The following CDC14A variants were observed in gnomAD, a reference collection of about 807,000 sequenced individuals.
CDC14A encodes dual specificity protein phosphatase CDC14A.
Under a neutral mutation model 74.4 loss-of-function variants are expected in CDC14A, and 53 were observed. The ratio of observed to expected loss-of-function variants is 0.71; its 90% CI spans 0.57 to 0.89. CDC14A has a LOEUF of 0.89. CDC14A is among the 40% of genes least tolerant of loss of function. CDC14A has a pLI of 0.00. For synonymous variants in CDC14A, 247 were observed against 258.4 expected (o/e 0.96, Z 0.43); for missense variants, 646 against 713.7 (o/e 0.91, Z 1.08).
intron 2 of CDC14A, among the ~76,000 whole-genome samples, chr1:100,374,568 TC>T (rs1654968325): frequency 6.6e-6 from 1 of 152,132 alleles, no homozygotes; most frequent in African/African-American, 2.4e-5. Context: ...TGTGTTCTTC[TC>T]ATGAAGCCTG....
intron 4 of CDC14A, chr1:100,393,533 A>G (rs1274967737): frequency 7.9e-6 from 6 of 757,312 alleles, no homozygotes; most frequent in Non-Finnish European, 1.5e-5. Flanking sequence ...CAAAAGCAGA[A>G]TAATCCAGGA....
In CDC14A at chr1:100,495,983, C is replaced by A. The variant is rs747798569; in HGVS notation, c.1251-19C>A. The A allele has an allele frequency of 6.2e-7, 1 of 1,612,018 alleles. No individual in the cohort carries two copies. Among genetic ancestry groups the A allele is most frequent in the Non-Finnish European group, 8.5e-7 (1 of 1,178,160 alleles). On this transcript the variant is annotated intron_variant, in intron 12 of 15. Coordinates refer to ENST00000336454, the MANE Select transcript of CDC14A (RefSeq NM_003672.4). ...GTGTGCCCTGGTGATATGTGAGCAT[C>A]TGTCTTTGATTTCCGCAGGTCAGAT...
chr1:100,486,196 G>A (rs1670002278), intron 11 of CDC14A, among the ~76,000 whole-genome samples: 2 of 152,156 alleles, frequency 1.3e-5, no homozygotes. Context: ...CCCGTTATCT[G>A]AGAAACATAT....
intron 10 of CDC14A, among the ~76,000 whole-genome samples, chr1:100,472,343 CTGTT>C (rs1347381528): frequency 6.6e-6 from 1 of 151,990 alleles, no homozygotes. Context: ...GTAGATATGC[CTGTT>C]TATGTTCTCA....
chr1:100,514,548 G>A (rs1300726929), intron 15 of CDC14A, among the ~76,000 whole-genome samples: 1 of 152,176 alleles, frequency 6.6e-6, no homozygotes, highest in Non-Finnish European at 1.5e-5. Context: ...AATGCTCGCT[G>A]TCTTGAGACA....
At chr1:100,408,013 C>T (rs570983314) in intron 4 of CDC14A, among the ~76,000 whole-genome samples, 4 of 151,918 alleles carry the variant, frequency 2.6e-5, no homozygotes, top group Non-Finnish European at 5.9e-5. Flanking sequence ...ATTTAGTCAC[C>T]CAGGTACTAA....
intron 15 of CDC14A, among the ~76,000 whole-genome samples, chr1:100,502,374 C>T (rs936235669): frequency 1.3e-5 from 2 of 152,192 alleles, no homozygotes; most frequent in Non-Finnish European, 2.9e-5. Flanking sequence ...GACACACATA[C>T]TTACCACTGT....
At chr1:100,505,065 G>T (rs1462328379) in intron 15 of CDC14A, 1 of 907,410 alleles carries the variant, frequency 1.1e-6, no homozygotes, top group African/African-American at 1.7e-5. Context: ...AACTTCTTTT[G>T]CAGACATTTC....
chr1:100,419,685 A>G (rs1662015596), intron 4 of CDC14A, among the ~76,000 whole-genome samples: 1 of 152,162 alleles, frequency 6.6e-6, no homozygotes, highest in Non-Finnish European at 1.5e-5. Flanking sequence ...TTGGTAAATC[A>G]TAGTGCTTTA....
At position 100,429,437 on chromosome 1, in the gene CDC14A, T is replaced by C. The variant is rs1663372077; in HGVS notation, c.389+5136T>C. Among the ~76,000 whole-genome samples the C allele has an allele frequency of 2.7e-5, 4 of 150,808 alleles. No individual in the cohort carries two copies. The South Asian group carries it at 8.3e-4, about 31-fold the overall frequency. ...ACATTCGATGTCTTATCCCTTTAGT[T>C]TTTTCCTAAAGCTTGGAGAAGAGGC... On this transcript the variant is annotated intron_variant, in intron 5 of 15. Coordinates refer to ENST00000336454, the MANE Select transcript of CDC14A (RefSeq NM_003672.4).
At chr1:100,378,466 G>T (rs1655617953) in intron 3 of CDC14A, among the ~76,000 whole-genome samples, 1 of 152,098 alleles carries the variant, frequency 6.6e-6, no homozygotes, top group African/African-American at 2.4e-5. Flanking sequence ...AAATGTTACT[G>T]GTGTTACATA....
chr1:100,481,869 G>T (rs1445790830), intron 10 of CDC14A, among the ~76,000 whole-genome samples: 1 of 152,164 alleles, frequency 6.6e-6, no homozygotes, highest in African/African-American at 2.4e-5. Flanking sequence ...AAAAATACAT[G>T]TTTTACTTCT....
chr1:100,365,432 A>G (rs537577851), intron 2 of CDC14A, among the ~76,000 whole-genome samples: 2 of 152,356 alleles, frequency 1.3e-5, no homozygotes, highest in South Asian at 4.1e-4. Flanking sequence ...TAGAGTCTAT[A>G]TAGCGGCTAG....
intron 11 of CDC14A, among the ~76,000 whole-genome samples, chr1:100,487,298 C>T (rs1267623163): frequency 3.9e-5 from 6 of 152,170 alleles, no homozygotes; most frequent in Admixed American, 2.0e-4. Context: ...GTGGCTTACG[C>T]CTGTAATCCT....
intron 15 of CDC14A, among the ~76,000 whole-genome samples, chr1:100,512,490 A>T (rs1649863994): frequency 6.6e-6 from 1 of 152,162 alleles, no homozygotes; most frequent in Non-Finnish European, 1.5e-5. Context: ...TGGCTTTACT[A>T]AAATAAGAGA....
chr1:100,498,653 G>A (rs1648241690), intron 14 of CDC14A, among the ~76,000 whole-genome samples: 1 of 152,116 alleles, frequency 6.6e-6, no homozygotes, highest in South Asian at 2.1e-4. Context: ...ACTCTGTGAT[G>A]TTCTATTTCA....
rs1650426467 is a variant in CDC14A at position 100,518,593 on chromosome 1, TAC to T, written c.*315_*316del. On this transcript the variant is annotated 3_prime_UTR_variant, in exon 16 of 16. Coordinates refer to ENST00000336454, the MANE Select transcript of CDC14A (RefSeq NM_003672.4). ...ATACATTTATTATTATATTTACATG[TAC>T]AGTGTTACATTATATATGTATTGTG... 1 of 212,864 alleles carries T rather than the reference TAC, an allele frequency of 4.7e-6. No homozygotes were observed. Among genetic ancestry groups the T allele is most frequent in the Non-Finnish European group, 9.5e-6 (1 of 105,270 alleles). The allele number at this position is 212,864 out of a possible 1,614,324, so 13.2% of individuals were successfully genotyped here. A position where few individuals can be genotyped will look rare whatever the true frequency, so the allele number is the denominator to read the frequency against.
At chr1:100,375,455 A>G (rs1655101095) in intron 2 of CDC14A, among the ~76,000 whole-genome samples, 1 of 152,190 alleles carries the variant, frequency 6.6e-6, no homozygotes, top group Admixed American at 6.5e-5. Context: ...CTTTCTTGGA[A>G]TACAGGATGA....
At chr1:100,459,776 A>T (rs1194272751) in intron 8 of CDC14A, among the ~76,000 whole-genome samples, 1 of 152,166 alleles carries the variant, frequency 6.6e-6, no homozygotes, top group East Asian at 1.9e-4. Context: ...CATTATACAC[A>T]TTGCTAAAAC....
Sources: gnomAD v4.1 joint callset for allele counts (sites outside exome capture counted in the v4.1 genomes callset) on GRCh38, gnomAD v4.1.1 for gene constraint, MANE v1.5 for transcripts, NCBI Gene and HGNC (gene_info 2026-07-23, HGNC 2026-07-21) for gene names.